The following FAM220A variants were observed in gnomAD, a reference collection of about 807,000 sequenced individuals.
The protein encoded by FAM220A is family with sequence similarity 220 member A, also known as protein FAM220A.
For missense variants in FAM220A, 392 were observed against 321.6 expected (o/e 1.22, Z -1.68); for synonymous variants, 141 against 130.7 (o/e 1.08, Z -0.54).
At chr7:6,344,558 A>G (rs1286696975) in intron 1 of FAM220A, among the ~76,000 whole-genome samples, 1 of 152,034 alleles carries the variant, frequency 6.6e-6, no homozygotes, top group Middle Eastern at 3.2e-3. Flanking sequence ...AGCTGGGACT[A>G]TAGGCATGCA....
intron 1 of FAM220A, among the ~76,000 whole-genome samples, chr7:6,344,363 C>T (rs1483750828): frequency 6.6e-6 from 1 of 152,186 alleles, no homozygotes; most frequent in African/African-American, 2.4e-5. Context: ...CCACTCCCCA[C>T]CCCCATGATG....
Position 6,330,765 on chromosome 7 carries a change from C to T in FAM220A, c.390G>A (p.Trp130Ter). 6.2e-7 allele frequency: 1 copy of T among 1,614,168 alleles called. No homozygotes were observed. ...SGVEALGRRD[W>*]LGGGPRATDG... Reference sequence around the variant, plus strand: ...CAGTGGCCCTGGGCCCTCCTCCCAGCCAGTCTCGCCGCCCCAGAGCTTCAA... The same window carrying T: ...CAGTGGCCCTGGGCCCTCCTCCCAGTCAGTCTCGCCGCCCCAGAGCTTCAA... Residue 130 changes from tryptophan to a stop codon, truncating the protein, a stop_gained, in exon 2 of 2, where the codon TGG becomes TGA. Transcript: ENST00000313324. LOFTEE classifies it low-confidence loss of function (END_TRUNC).
intron 1 of FAM220A, among the ~76,000 whole-genome samples, chr7:6,344,331 C>T (rs949960608): frequency 6.6e-6 from 1 of 152,228 alleles, no homozygotes. Context: ...AGGTAAATAT[C>T]AAGGCCAAGA....
intron 1 of FAM220A, among the ~76,000 whole-genome samples, chr7:6,346,425 G>A (rs1781951866): frequency 6.6e-6 from 1 of 152,058 alleles, no homozygotes; most frequent in Non-Finnish European, 1.5e-5. Context: ...GGAGTGCAGT[G>A]GCACAATCTC....
At chr7:6,346,449 G>A (rs1243237558) in intron 1 of FAM220A, among the ~76,000 whole-genome samples, 1 of 151,992 alleles carries the variant, frequency 6.6e-6, no homozygotes, top group Non-Finnish European at 1.5e-5. Context: ...TCACTGCAAC[G>A]TCTGCCTCCC....
intron 1 of FAM220A, among the ~76,000 whole-genome samples, chr7:6,334,019 C>T (rs369256214): frequency 1.7e-4 from 26 of 150,488 alleles, no homozygotes; most frequent in East Asian, 8.1e-4. Flanking sequence ...GCTAATTTTT[C>T]GTATTTTTAG....
chr7:6,339,640 C>T (rs1256653999), intron 1 of FAM220A, among the ~76,000 whole-genome samples: 3 of 151,988 alleles, frequency 2.0e-5, no homozygotes, highest in African/African-American at 7.2e-5. Flanking sequence ...CCCGCCACCA[C>T]GCCTGGGTAA....
chr7:6,348,151 C>A (rs1308004986), intron 1 of FAM220A, among the ~76,000 whole-genome samples: 2 of 151,494 alleles, frequency 1.3e-5, no homozygotes. Flanking sequence ...CTCAGGTAAT[C>A]CGCCCGCCTC....
intron 1 of FAM220A, chr7:6,342,085 G>A (rs965850005): frequency 6.6e-6 from 1 of 152,138 alleles, no homozygotes; most frequent in Admixed American, 6.6e-5. Context: ...CACTCATTAA[G>A]AACCTACCCT....
At chr7:6,341,502 G>T (rs1651833647) in intron 1 of FAM220A, among the ~76,000 whole-genome samples, 1 of 149,488 alleles carries the variant, frequency 6.7e-6, no homozygotes, top group Non-Finnish European at 1.5e-5. Flanking sequence ...GGCTAACGTG[G>T]TGAAACCCTG....
chr7:6,340,465 C>T (rs1039738745), intron 1 of FAM220A, among the ~76,000 whole-genome samples: 2 of 152,150 alleles, frequency 1.3e-5, no homozygotes, highest in Non-Finnish European at 2.9e-5. Context: ...CCGTGCCATA[C>T]CTGGAGTCGG....
At chr7:6,341,065 A>C (rs1262447744) in intron 1 of FAM220A, among the ~76,000 whole-genome samples, 3 of 149,794 alleles carry the variant, frequency 2.0e-5, no homozygotes, top group African/African-American at 7.4e-5. Flanking sequence ...AATGGCATGA[A>C]CCCAGGAGGT....
In FAM220A at chr7:6,348,916, C is replaced by G. The variant is rs1214414196; in HGVS notation, c.-425G>C. ...TGGAGCGGAGTCCGCACGTCACGCT[C>G]GGAGAAGTGCCTCCGCGAGCAGCCG... On this transcript the variant is annotated 5_prime_UTR_variant, in exon 1 of 2. Coordinates refer to ENST00000313324, the MANE Select transcript of FAM220A (RefSeq NM_001037163.2). The G allele has an allele frequency of 1.0e-5, 4 of 384,840 alleles. No homozygotes were observed. The highest frequency in any genetic ancestry group is 3.7e-5 in the East Asian group (1 of 26,778). The allele number at this position is 384,840 out of a possible 1,614,324, so 23.8% of individuals were successfully genotyped here. A position where few individuals can be genotyped will look rare whatever the true frequency, so the allele number is the denominator to read the frequency against.
Position 6,331,190 on chromosome 7 carries a change from C to T in FAM220A, c.-36G>A, listed in dbSNP as rs1331396302. On this transcript the variant is annotated 5_prime_UTR_variant, in exon 2 of 2. In the 5' UTR this introduces an upstream ATG that the reference lacks. Transcript: ENST00000313324. ...CTTGGATGCGGTGGGCCTGAGGTCA[C>T]GCCTTCGTCAGTCTGGGAGGGCCTT... 11 of 1,579,980 alleles carry T rather than the reference C, an allele frequency of 7.0e-6. No individual in the cohort carries two copies. The highest frequency in any genetic ancestry group is 1.8e-5 in the Admixed American group (1 of 55,164).
intron 1 of FAM220A, among the ~76,000 whole-genome samples, chr7:6,340,690 G>C (rs1024387252): frequency 2.0e-5 from 3 of 151,942 alleles, no homozygotes; most frequent in Non-Finnish European, 4.4e-5. Context: ...ACGAGGTCAG[G>C]AGATCGAGAC....
Position 6,330,724 on chromosome 7 carries a change from T to G in FAM220A, c.431A>C (p.Gln144Pro). 1 of 1,614,154 alleles carries G rather than the reference T, an allele frequency of 6.2e-7. No homozygotes were observed. Among genetic ancestry groups the G allele is most frequent in the South Asian group, 1.1e-5 (1 of 91,086 alleles). ...CACCCGAGGCTCTCCTTTGGGGCAC[T>G]GTCCTCTGTGGCCGTCAGTGGCCCT... Reference protein sequence around the residue: ...GPRATDGHRGQCPKGEPRVSR... With the variant: ...GPRATDGHRGPCPKGEPRVSR... The change falls in exon 2 of 2, where the codon CAG becomes CCG. Residue 144 changes from glutamine to proline, a missense_variant. By Grantham distance (76) the Gln-to-Pro change is moderately conservative. Transcript: ENST00000313324.
At chr7:6,332,632 A>G (rs542449760) in intron 1 of FAM220A, among the ~76,000 whole-genome samples, 11 of 152,288 alleles carry the variant, frequency 7.2e-5, no homozygotes, top group Non-Finnish European at 1.6e-4. Context: ...TGGGAGGCAG[A>G]GGTCACAGTG....
intron 1 of FAM220A, among the ~76,000 whole-genome samples, chr7:6,338,188 T>A (rs1017811673): frequency 2.6e-5 from 4 of 152,202 alleles, no homozygotes; most frequent in African/African-American, 7.2e-5. Flanking sequence ...GTTATACATA[T>A]TACCTGTATT....
At chr7:6,346,051 G>GAGAC (rs1781945705) in intron 1 of FAM220A, among the ~76,000 whole-genome samples, 1 of 152,128 alleles carries the variant, frequency 6.6e-6, no homozygotes, top group South Asian at 2.1e-4. Flanking sequence ...TTACAGGCAT[G>GAGAC]AGACACCATG....
Sources: gnomAD v4.1 joint callset for allele counts (sites outside exome capture counted in the v4.1 genomes callset) on GRCh38, gnomAD v4.1.1 for gene constraint, MANE v1.5 for transcripts, NCBI Gene and HGNC (gene_info 2026-07-23, HGNC 2026-07-21) for gene names.